TRPM6: variants seen among roughly 807,000 people sequenced by gnomAD.
TRPM6 encodes transient receptor potential cation channel subfamily M member 6.
TRPM6 carries 111 observed loss-of-function variants against 247.6 expected under a neutral mutation model. The ratio of observed to expected loss-of-function variants is 0.45; its 90% CI spans 0.38 to 0.52. TRPM6 has a LOEUF of 0.52. Ranked by LOEUF, TRPM6 falls within the 20% of genes least tolerant of loss-of-function variation. The probability of loss-of-function intolerance (pLI) is 0.00; values close to 1 mark genes in which losing one functional copy is unlikely to be tolerated. For synonymous variants in TRPM6, 892 were observed against 853.8 expected (o/e 1.04, Z -0.78); for missense variants, 2,126 against 2,421.5 (o/e 0.88, Z 2.56).
intron 30 of TRPM6, among the ~76,000 whole-genome samples, chr9:74,748,607 G>A (rs1033323925): frequency 1.7e-4 from 26 of 151,978 alleles, no homozygotes; most frequent in African/African-American, 5.3e-4. Flanking sequence ...TGTAAGAAGT[G>A]AAAATAAATA....
chr9:74,826,460 A>G (rs1256251880), intron 7 of TRPM6, among the ~76,000 whole-genome samples: 1 of 152,174 alleles, frequency 6.6e-6, no homozygotes, highest in Non-Finnish European at 1.5e-5. Context: ...GTCCCAAGGA[A>G]GTATTTTGTG....
At chr9:74,797,345 C>T (rs1828134040) in intron 17 of TRPM6, among the ~76,000 whole-genome samples, 1 of 152,232 alleles carries the variant, frequency 6.6e-6, no homozygotes, top group Admixed American at 6.5e-5. Context: ...CCCTGACCCC[C>T]GACCCCAAGG....
chr9:74,767,446 G>T (rs559420114), intron 25 of TRPM6, among the ~76,000 whole-genome samples: 1 of 152,298 alleles, frequency 6.6e-6, no homozygotes, highest in Non-Finnish European at 1.5e-5. Flanking sequence ...ATTCGAGAAG[G>T]ATATAGCAAT....
intron 11 of TRPM6, among the ~76,000 whole-genome samples, chr9:74,814,943 A>G (rs1004816885): frequency 2.6e-5 from 4 of 152,254 alleles, no homozygotes; most frequent in Admixed American, 2.6e-4. Context: ...GTGAGACCCT[A>G]TCTCAAAAAT....
intron 28 of TRPM6, among the ~76,000 whole-genome samples, chr9:74,752,773 G>A (rs890360544): frequency 2.0e-5 from 3 of 151,930 alleles, no homozygotes; most frequent in African/African-American, 7.3e-5. Flanking sequence ...TCCTTCCTTA[G>A]CAACTGCATC....
At chr9:74,804,846 A>G (rs1210891433) in intron 14 of TRPM6, 5 of 441,512 alleles carry the variant, frequency 1.1e-5, no homozygotes, top group African/African-American at 2.0e-5. Context: ...TTCTAAAAAA[A>G]GAAAAGTCCG....
Position 74,803,843 on chromosome 9 carries a change from C to A in TRPM6, c.1682G>T (p.Ser561Ile). The change falls in exon 15 of 39, where the codon AGT becomes ATT. Residue 561 changes from serine (S) to isoleucine (I), a missense_variant. This residue lies in a region of TRPM6 where 1,082 missense variants were observed against 1,307.9 expected (regional missense o/e 0.83). Coordinates refer to ENST00000360774, the MANE Select transcript of TRPM6 (RefSeq NM_017662.5). ...SSGNRNESAESTLHSQFIRTA... is the reference protein window; with the variant it reads ...SSGNRNESAEITLHSQFIRTA... ...TCTAATGAACTGGGAGTGCAGCGTA[C>A]TTTCTGCAGACTCATTTCTATTTCC... 6.2e-7 allele frequency: 1 copy of A among 1,613,870 alleles called. No individual in the cohort carries two copies. The highest frequency in any genetic ancestry group is 8.5e-7 in the Non-Finnish European group (1 of 1,179,794).
At chr9:74,855,881 C>T (rs1396451931) in intron 2 of TRPM6, among the ~76,000 whole-genome samples, 1 of 152,030 alleles carries the variant, frequency 6.6e-6, no homozygotes. Context: ...AAATAATTAT[C>T]AGAGATAATA....
chr9:74,780,641 G>A (rs1335532325), intron 23 of TRPM6, among the ~76,000 whole-genome samples: 1 of 152,094 alleles, frequency 6.6e-6, no homozygotes, highest in African/African-American at 2.4e-5. Flanking sequence ...AAGAATATAG[G>A]GAGTCAAAGA....
At chr9:74,725,470 G>C (rs1825285851) in intron 38 of TRPM6, among the ~76,000 whole-genome samples, 1 of 151,998 alleles carries the variant, frequency 6.6e-6, no homozygotes, top group Admixed American at 6.6e-5. Flanking sequence ...AAATTGATAT[G>C]GTTTGGCTGT....
At chr9:74,812,542 A>C (rs1828770629) in intron 11 of TRPM6, 109 bp from the exon 12 acceptor site, 1 of 1,148,392 alleles carries the variant, frequency 8.7e-7, no homozygotes, top group Non-Finnish European at 1.3e-6. Context: ...ATTTTAAAAT[A>C]AAATCCTGCC....
At position 74,739,871 on chromosome 9, in the gene TRPM6, C is replaced by T. The variant is rs147011944; in HGVS notation, c.5339G>A (p.Arg1780His). 9.2e-5 allele frequency: 149 copies of T among 1,614,006 alleles called. No homozygotes were observed. Among genetic ancestry groups the T allele is most frequent in the Non-Finnish European group, 1.2e-4 (145 of 1,180,030 alleles). Residue 1780 changes from arginine (R) to histidine (H), a missense_variant, in exon 34 of 39, where the codon CGT becomes CAT. Physicochemically the swap from Arg to His is conservative, Grantham distance 29. Transcript: ENST00000360774. The stretch of plus-strand genomic sequence containing the variant: ...AGTGCTGACGACTCTCATAGCTTTA[C>T]GGAGGCCCCCATCCATCTCCTCTCG... ...LSREEMDGGLRKAMRVVSTWS... is the reference protein window; with the variant it reads ...LSREEMDGGLHKAMRVVSTWS...
intron 7 of TRPM6, among the ~76,000 whole-genome samples, chr9:74,826,570 T>C: frequency 6.6e-6 from 1 of 152,042 alleles, no homozygotes; most frequent in Non-Finnish European, 1.5e-5. Context: ...CTGCTCTCTG[T>C]AAAGGATTCA....
chr9:74,778,468 A>C (rs1434373389), intron 23 of TRPM6, among the ~76,000 whole-genome samples: 1 of 152,224 alleles, frequency 6.6e-6, no homozygotes, highest in African/African-American at 2.4e-5. Flanking sequence ...CTCAGGGGGC[A>C]CCAGCTTTGT....
intron 12 of TRPM6, 39 bp from the exon 13 acceptor site, chr9:74,810,907 T>C: frequency 6.4e-7 from 1 of 1,557,724 alleles, no homozygotes; most frequent in East Asian, 2.2e-5. Flanking sequence ...TTCTCTTTAA[T>C]TACCATGTGC....
chr9:74,870,894 C>T (rs1831002709), intron 1 of TRPM6, among the ~76,000 whole-genome samples: 1 of 151,046 alleles, frequency 6.6e-6, no homozygotes, highest in Non-Finnish European at 1.5e-5. Context: ...GATAGTGCCA[C>T]GGCACTCCAG....
intron 1 of TRPM6, among the ~76,000 whole-genome samples, chr9:74,881,604 A>C (rs1831366472): frequency 6.6e-6 from 1 of 152,184 alleles, no homozygotes; most frequent in Non-Finnish European, 1.5e-5. Flanking sequence ...ATATTGACAG[A>C]ACATCTCATC....
intron 38 of TRPM6, among the ~76,000 whole-genome samples, chr9:74,728,031 T>G (rs1272921723): frequency 6.6e-6 from 1 of 152,210 alleles, no homozygotes; most frequent in Non-Finnish European, 1.5e-5. Context: ...CCAAGTTGTT[T>G]TATCACATTT....
At position 74,762,914 on chromosome 9, in the gene TRPM6, A is replaced by C; in HGVS notation, c.3757T>G (p.Trp1253Gly). 6.2e-7 allele frequency: 1 copy of C among 1,606,490 alleles called. No homozygotes were observed. The highest frequency in any genetic ancestry group is 1.1e-5 in the South Asian group (1 of 90,594). The change falls in exon 26 of 39, where the codon TGG becomes GGG. Residue 1253 changes from tryptophan (W) to glycine (G), a missense_variant. Trp to Gly is a radical substitution (Grantham distance 184). Coordinates refer to ENST00000360774, the MANE Select transcript of TRPM6 (RefSeq NM_017662.5). ...HSTCKKLPHS[W>G]SNVICAEVLG... ...ACCTCTGCACAGATGACATTGCTCC[A>C]GCTGTGGGGAAGTTTTTTGCAAGTA...
Sources: allele counts gnomAD v4.1 joint callset (sites outside exome capture counted in the v4.1 genomes callset), GRCh38; gene constraint gnomAD v4.1.1; regional missense constraint gnomAD v4.1.1; transcripts MANE v1.5; gene names NCBI Gene and HGNC (gene_info 2026-07-23, HGNC 2026-07-21).